CDIP1: variants seen among roughly 807,000 people sequenced by gnomAD.
The protein encoded by CDIP1 is cell death-inducing p53-target protein 1.
A neutral mutation model predicts 17.7 loss-of-function variants in CDIP1; 9 were observed. The ratio of observed to expected loss-of-function variants is 0.51; its 90% CI spans 0.31 to 0.89. The LOEUF (loss-of-function observed/expected upper bound fraction) is 0.89, where lower values mean the gene tolerates loss of function less well. Among genes scored for constraint, CDIP1 ranks in the 40% least tolerant of loss-of-function variants. The probability of loss-of-function intolerance (pLI) is 0.05; values close to 1 mark genes in which losing one functional copy is unlikely to be tolerated. For missense variants in CDIP1, 263 were observed against 277.9 expected, an observed-to-expected ratio of 0.95 and a Z score of 0.38; for synonymous variants, 117 against 109.5, an observed-to-expected ratio of 1.07 and a Z score of -0.43.
rs754215844 is a variant in CDIP1, at chr16:4,512,302, C to G, written c.*270G>C. The stretch of plus-strand genomic sequence containing the variant: ...CAGCAGGAGACCCCTCCCAGCTTAT[C>G]TTCCCGATCACACACACCAAGCAGA... On this transcript the variant is annotated 3_prime_UTR_variant, in exon 6 of 6. Transcript: ENST00000567695. The surrounding 1 kb of genome is among the most constrained non-coding windows in gnomAD (Gnocchi z 4.6). The G allele has an allele frequency of 1.8e-6, 1 of 545,954 alleles. No individual in the cohort carries two copies. Among genetic ancestry groups the G allele is most frequent in the Non-Finnish European group, 3.3e-6 (1 of 301,482 alleles). The allele number at this position is 545,954 out of a possible 1,614,324, so 33.8% of individuals were successfully genotyped here.
At chr16:4,524,140 C>G (rs1271137796) in intron 1 of CDIP1, 2 of 152,066 alleles carry the variant, frequency 1.3e-5, no homozygotes, top group African/African-American at 4.8e-5. Context: ...ATTCCTCAAC[C>G]TCTCTGAGCC....
At chr16:4,535,566 C>G (rs2059098314) in intron 1 of CDIP1, among the ~76,000 whole-genome samples, 1 of 152,244 alleles carries the variant, frequency 6.6e-6, no homozygotes, top group African/African-American at 2.4e-5. Flanking sequence ...ATGCTCTTCA[C>G]CTATCACAGA....
At position 4,513,005 on chromosome 16, in the gene CDIP1, TGTAGGGCCCTGGGGG is replaced by T; in HGVS notation, c.286_300del (p.Pro96_Tyr100del). 1 of 1,588,954 alleles carries T rather than the reference TGTAGGGCCCTGGGGG, an allele frequency of 6.3e-7. No homozygotes were observed. Among genetic ancestry groups the T allele is most frequent in the Non-Finnish European group, 8.6e-7 (1 of 1,168,736 alleles). On this transcript the variant is annotated inframe_deletion, in exon 5 of 6. Transcript: ENST00000567695. The surrounding 1 kb of genome is among the most constrained non-coding windows in gnomAD (Gnocchi z 4.1). ...CCAGGGCCAGGGTAGGGCCCTGGCG[TGTAGGGCCCTGGGGG>T]GTAGTAGCCCATGGGTGGGTGGGGG...
At position 4,512,708 on chromosome 16, in the gene CDIP1, G is replaced by A. The variant is rs768552377; in HGVS notation, c.516-25C>T. 2.5e-6 allele frequency: 4 copies of A among 1,609,346 alleles called. No individual in the cohort carries two copies. Among genetic ancestry groups the A allele is most frequent in the Non-Finnish European group, 2.6e-6 (3 of 1,175,998 alleles). On this transcript the variant is annotated intron_variant, in intron 5 of 5. Coordinates refer to ENST00000567695, the MANE Select transcript of CDIP1 (RefSeq NM_013399.3). The surrounding 1 kb of genome is among the most constrained non-coding windows in gnomAD (Gnocchi z 4.6). ...TCTGAATCAGAGACAGGGAAGAACA[G>A]GCTGAGGCCTGCTGCGGAGGAGGCA...
intron 1 of CDIP1, among the ~76,000 whole-genome samples, chr16:4,537,362 G>A (rs979870490): frequency 1.3e-4 from 20 of 152,166 alleles, no homozygotes; most frequent in African/African-American, 4.8e-4. Context: ...TCTGAGACTG[G>A]CAAGTGACTG....
At chr16:4,527,827 G>GT (rs1461273383) in intron 1 of CDIP1, among the ~76,000 whole-genome samples, 1 of 151,902 alleles carries the variant, frequency 6.6e-6, no homozygotes, top group Non-Finnish European at 1.5e-5. Context: ...TTTTGTTTTT[G>GT]TTTTTTGAGA....
At chr16:4,523,106 C>CA (rs573015732) in intron 1 of CDIP1, among the ~76,000 whole-genome samples, 51 of 152,214 alleles carry the variant, frequency 3.4e-4, no homozygotes, top group Non-Finnish European at 4.0e-4. Flanking sequence ...TGGGCTGAAG[C>CA]ACAGTCTGTG....
chr16:4,531,272 C>A (rs1386418018), intron 1 of CDIP1, among the ~76,000 whole-genome samples: 1 of 151,994 alleles, frequency 6.6e-6, no homozygotes, highest in East Asian at 1.9e-4. Context: ...TCGTGATCCG[C>A]CTACCTCGGC....
chr16:4,538,182 C>G (rs1033028885), intron 1 of CDIP1: 2 of 152,244 alleles, frequency 1.3e-5, no homozygotes, highest in African/African-American at 4.8e-5. Flanking sequence ...GGCGCACAAC[C>G]CCGCGGCACA....
chr16:4,530,913 C>T (rs535571060), intron 1 of CDIP1, among the ~76,000 whole-genome samples: 2 of 152,216 alleles, frequency 1.3e-5, no homozygotes, highest in East Asian at 3.9e-4. Flanking sequence ...GCCTAAGTTC[C>T]TGTAACTCTA....
chr16:4,520,457 A>G (rs1005373057), intron 1 of CDIP1, among the ~76,000 whole-genome samples: 6 of 152,206 alleles, frequency 3.9e-5, no homozygotes, highest in Middle Eastern at 6.8e-3. Context: ...AGCCTTAACA[A>G]TGGTTTTTTT....
chr16:4,515,680 A>G (rs1050074574), intron 1 of CDIP1, among the ~76,000 whole-genome samples: 4 of 152,262 alleles, frequency 2.6e-5, no homozygotes, highest in African/African-American at 4.8e-5. Flanking sequence ...GCGTCTTTTC[A>G]TAAGGGAAAT....
Position 4,529,337 on chromosome 16 carries a change from T to C in CDIP1, c.-105+9365A>G, listed in dbSNP as rs188372510. Among the ~76,000 whole-genome samples, 28 of 152,240 alleles carry C rather than the reference T, an allele frequency of 1.8e-4. 1 individual carries two copies. The highest frequency in any genetic ancestry group is 6.3e-4 in the African/African-American group (26 of 41,538). The stretch of plus-strand genomic sequence containing the variant: ...AAGAGGGCTGGTAAGAAAGTCCCCG[T>C]TGGATGCATAATAAAAACGAGTGAT... On this transcript the variant is annotated intron_variant, in intron 1 of 5. Coordinates refer to ENST00000567695, the MANE Select transcript of CDIP1 (RefSeq NM_013399.3).
intron 1 of CDIP1, among the ~76,000 whole-genome samples, chr16:4,515,961 C>T (rs1307303353): frequency 2.0e-5 from 3 of 152,164 alleles, no homozygotes; most frequent in African/African-American, 7.2e-5. Flanking sequence ...CCTGTCTACA[C>T]AGAAATTTGT....
In CDIP1 at chr16:4,518,159, C is replaced by CACACACACACGTGT. The variant is rs552789860; in HGVS notation, c.-104-3509_-104-3496dup. On this transcript the variant is annotated intron_variant, in intron 1 of 5. Coordinates refer to ENST00000567695, the MANE Select transcript of CDIP1 (RefSeq NM_013399.3). ...GCCTGGGTCCCTTGCAGGGAGCACA[C>CACACACACACGTGT]ACACACACACGTGTGCACACACACC... 3.3e-3 allele frequency among the ~76,000 whole-genome samples: 509 copies of CACACACACACGTGT among 152,358 alleles called. 1 individual carries two copies. The highest frequency in any genetic ancestry group is 0.012 in the African/African-American group (486 of 41,572).
Position 4,517,783 on chromosome 16 carries a change from TGCC to T in CDIP1, c.-104-3122_-104-3120del, listed in dbSNP as rs543914484. On this transcript the variant is annotated intron_variant, in intron 1 of 5. Coordinates refer to ENST00000567695, the MANE Select transcript of CDIP1 (RefSeq NM_013399.3). ...AAAACAGAACAGGGAGTAGCAGCAG[TGCC>T]TCTTGGGGCTGGTCCTGGGGTCCCT... is the stretch of plus-strand genomic sequence containing the variant. Among the ~76,000 whole-genome samples, 269 of 150,306 alleles carry T rather than the reference TGCC, an allele frequency of 1.8e-3. 1 individual carries two copies. The highest frequency in any genetic ancestry group is 6.3e-3 in the African/African-American group (258 of 41,126).
chr16:4,518,482 G>A (rs917663501), intron 1 of CDIP1, among the ~76,000 whole-genome samples: 4 of 152,158 alleles, frequency 2.6e-5, no homozygotes, highest in Admixed American at 6.5e-5. Flanking sequence ...ACCGGGGGCC[G>A]CAGGGCCCTG....
intron 1 of CDIP1, chr16:4,533,799 T>TG (rs1425059914): frequency 1.3e-5 from 2 of 150,606 alleles, no homozygotes; most frequent in African/African-American, 2.4e-5. Context: ...AGGATTCTGC[T>TG]GCCAGGGGAT....
At chr16:4,522,185 C>T (rs934726839) in intron 1 of CDIP1, among the ~76,000 whole-genome samples, 1 of 152,190 alleles carries the variant, frequency 6.6e-6, no homozygotes, top group African/African-American at 2.4e-5. Flanking sequence ...TCCACGGTAA[C>T]CCGAGACAAC....
Sources: allele counts gnomAD v4.1 joint callset (sites outside exome capture counted in the v4.1 genomes callset), GRCh38; gene constraint gnomAD v4.1.1; non-coding constraint Gnocchi (gnomAD v3.1); transcripts MANE v1.5; gene names NCBI Gene and HGNC (gene_info 2026-07-23, HGNC 2026-07-21).